Variants in PDE1C observed in about 807,000 individuals in gnomAD.
PDE1C encodes the protein dual specificity calcium/calmodulin-dependent 3',5'-cyclic nucleotide phosphodiesterase 1C.
PDE1C carries 62 observed loss-of-function variants against 93.1 expected under a neutral mutation model. The observed-to-expected ratio is 0.67, with a 90% CI of 0.54 to 0.82. The LOEUF is 0.82. Ranked by LOEUF, PDE1C falls within the 40% of genes least tolerant of loss-of-function variation. The pLI, the probability that PDE1C is intolerant of heterozygous loss-of-function variation, is 0.00. For synonymous variants in PDE1C, 325 were observed against 310.1 expected, an observed-to-expected ratio of 1.05 and a Z score of -0.50; for missense variants, 742 against 884.6, an observed-to-expected ratio of 0.84 and a Z score of 2.04.
intron 1 of PDE1C, among the ~76,000 whole-genome samples, chr7:32,390,262 TAATATC>T (rs992014853): frequency 2.6e-5 from 4 of 152,118 alleles, no homozygotes; most frequent in Admixed American, 6.5e-5. Flanking sequence ...AAATTAATAT[TAATATC>T]AAGTAGATTG....
At chr7:32,087,706 A>G (rs929749748) in intron 3 of PDE1C, among the ~76,000 whole-genome samples, 2 of 152,192 alleles carry the variant, frequency 1.3e-5, no homozygotes, top group Non-Finnish European at 2.9e-5. Flanking sequence ...TTGTAGGGAC[A>G]TGGATGAAAT....
chr7:31,642,303 C>G, the PDE1C span: 1 of 1,275,172 alleles, frequency 7.8e-7, no homozygotes, highest in Non-Finnish European at 1.1e-6. Context: ...CCCTAACATC[C>G]CACTTCAGCC....
chr7:32,023,795 G>A (rs1180736109), intron 2 of PDE1C, among the ~76,000 whole-genome samples: 1 of 152,130 alleles, frequency 6.6e-6, no homozygotes, highest in Non-Finnish European at 1.5e-5. Flanking sequence ...TAAAATAGAA[G>A]TGTTACCATG....
At chr7:31,922,942 CCTTT>C (rs1193025118) in intron 2 of PDE1C, among the ~76,000 whole-genome samples, 4 of 152,110 alleles carry the variant, frequency 2.6e-5, no homozygotes, top group Admixed American at 1.3e-4. Flanking sequence ...AAGCCTCTAT[CCTTT>C]CTTTCTGCGT....
chr7:32,387,417 G>A (rs1192498973), intron 1 of PDE1C, among the ~76,000 whole-genome samples: 2 of 151,672 alleles, frequency 1.3e-5, no homozygotes, highest in Admixed American at 1.3e-4. Flanking sequence ...GTCCTGGCCG[G>A]GCAGAGGGGC....
chr7:31,933,235 A>T (rs541446776), intron 2 of PDE1C, among the ~76,000 whole-genome samples: 7 of 151,126 alleles, frequency 4.6e-5, no homozygotes, highest in East Asian at 1.9e-4. Context: ...AGTTTAATTT[A>T]AAAAAAAAGA....
the PDE1C span, among the ~76,000 whole-genome samples, chr7:31,634,716 G>A: frequency 3.3e-5 from 5 of 152,210 alleles, no homozygotes; most frequent in African/African-American, 1.2e-4. Context: ...AGGGCTTGGT[G>A]GTGGTGAAGG....
Position 31,918,908 on chromosome 7 carries a change from T to C in PDE1C, c.129-38048A>G, listed in dbSNP as rs911235515. 7.2e-5 allele frequency among the ~76,000 whole-genome samples: 11 copies of C among 152,326 alleles called. No homozygotes were observed. The South Asian group carries it at 1.0e-3, about 14-fold the overall frequency. On this transcript the variant is annotated intron_variant, in intron 2 of 17. Transcript: ENST00000396191. ...ATCTATCTGAGCCAAGATGGCTAAG[T>C]TCCCTGGTGGGACAGACTAATGTAA...
At chr7:31,761,927 C>T (rs1319905600) in intron 17 of PDE1C, among the ~76,000 whole-genome samples, 1 of 152,200 alleles carries the variant, frequency 6.6e-6, no homozygotes, top group Non-Finnish European at 1.5e-5. Context: ...GAAATAATAA[C>T]ACTCACTTCA....
At position 31,965,745 on chromosome 7, in the gene PDE1C, C is replaced by T. The variant is rs193104551; in HGVS notation, c.129-84885G>A. ...TACCCACAAAGGGAAGCCCATCAGA[C>T]TAACAGCTGATCTCTTGGCATAAAC... On this transcript the variant is annotated intron_variant, in intron 2 of 17. Coordinates refer to ENST00000396191, the MANE Select transcript of PDE1C (RefSeq NM_001191057.4). 5.6e-3 allele frequency among the ~76,000 whole-genome samples: 850 copies of T among 152,348 alleles called. 3 individuals are homozygous for T. Among genetic ancestry groups the T allele is most frequent in the Non-Finnish European group, 8.4e-3 (574 of 68,030 alleles).
chr7:32,130,692 A>G (rs1055657765), intron 3 of PDE1C, among the ~76,000 whole-genome samples: 1 of 151,770 alleles, frequency 6.6e-6, no homozygotes, highest in Non-Finnish European at 1.5e-5. Flanking sequence ...AGGGAAACAG[A>G]CTCCCACACG....
the PDE1C span, among the ~76,000 whole-genome samples, chr7:31,740,491 A>G: frequency 6.6e-6 from 1 of 152,302 alleles, no homozygotes; most frequent in African/African-American, 2.4e-5. Context: ...CTCCAACTCA[A>G]GTAGTTTCCA....
the PDE1C span, among the ~76,000 whole-genome samples, chr7:31,639,379 A>T: frequency 7.1e-6 from 1 of 140,506 alleles, no homozygotes; most frequent in African/African-American, 2.7e-5. Context: ...TCTGCTATAT[A>T]TATCCAGTAT....
chr7:31,798,534 T>G (rs926557747), intron 16 of PDE1C, among the ~76,000 whole-genome samples: 1 of 151,734 alleles, frequency 6.6e-6, no homozygotes, highest in Non-Finnish European at 1.5e-5. Flanking sequence ...TGACGCAACA[T>G]AAACTAGAGT....
chr7:32,244,513 C>A (rs1264023206), intron 1 of PDE1C, among the ~76,000 whole-genome samples: 1 of 152,142 alleles, frequency 6.6e-6, no homozygotes, highest in African/African-American at 2.4e-5. Flanking sequence ...CACTTTGGAT[C>A]TTTTTCCTTT....
chr7:31,721,733 C>T, the PDE1C span, among the ~76,000 whole-genome samples: 2 of 152,202 alleles, frequency 1.3e-5, no homozygotes, highest in Non-Finnish European at 2.9e-5. Flanking sequence ...GAAGTTCAAC[C>T]CATGTACAAC....
chr7:32,414,112 C>T (rs989544350), intron 1 of PDE1C, among the ~76,000 whole-genome samples: 1 of 151,588 alleles, frequency 6.6e-6, no homozygotes, highest in African/African-American at 2.4e-5. Context: ...ACTAGGAAGG[C>T]TGAGGCAGGA....
At chr7:32,152,196 G>A (rs1557975) in intron 3 of PDE1C, among the ~76,000 whole-genome samples, 38,452 of 151,980 alleles carry the variant, frequency 0.25, 5,209 homozygotes, top group East Asian at 0.51. Context: ...GGAGTGGAAA[G>A]CACAAAGGCT....
intron 2 of PDE1C, among the ~76,000 whole-genome samples, chr7:32,004,734 A>T (rs949710186): frequency 3.3e-5 from 5 of 152,224 alleles, no homozygotes; most frequent in African/African-American, 1.2e-4. Flanking sequence ...AGATTCTCCA[A>T]TTCCTTTGTT....
Sources: allele counts gnomAD v4.1 joint callset (sites outside exome capture counted in the v4.1 genomes callset), GRCh38; gene constraint gnomAD v4.1.1; transcripts MANE v1.5; gene names NCBI Gene and HGNC (gene_info 2026-07-23, HGNC 2026-07-21).